The following TRIM44 variants were observed in gnomAD, a reference collection of about 807,000 sequenced individuals.
The protein encoded by TRIM44 is tripartite motif containing 44.
A neutral mutation model predicts 37.4 loss-of-function variants in TRIM44; 13 were observed. The observed-to-expected ratio is 0.35, with a 90% CI of 0.23 to 0.55. TRIM44 has a LOEUF of 0.55. Ranked by LOEUF, TRIM44 falls within the 20% of genes least tolerant of loss-of-function variation. The probability of loss-of-function intolerance (pLI) is 0.89; values close to 1 mark genes in which losing one functional copy is unlikely to be tolerated. For synonymous variants in TRIM44, 175 were observed against 157.2 expected (o/e 1.11, Z -0.85); for missense variants, 426 against 437.2 (o/e 0.97, Z 0.23).
At chr11:35,767,377 T>G (rs1298581732) in intron 4 of TRIM44, among the ~76,000 whole-genome samples, 2 of 152,106 alleles carry the variant, frequency 1.3e-5, no homozygotes, top group Non-Finnish European at 2.9e-5. Context: ...ACATACAAGA[T>G]CACCTTACCT....
chr11:35,680,013 T>C (rs886785621), intron 1 of TRIM44, among the ~76,000 whole-genome samples: 3 of 152,226 alleles, frequency 2.0e-5, no homozygotes, highest in Non-Finnish European at 2.9e-5. Context: ...GAAAAGCTAA[T>C]GTCATGTACA....
At chr11:35,781,528 G>T (rs1490705454) in intron 4 of TRIM44, among the ~76,000 whole-genome samples, 1 of 152,120 alleles carries the variant, frequency 6.6e-6, no homozygotes, top group Admixed American at 6.5e-5. Context: ...ATCCAGATAT[G>T]CCAGAGTCAG....
intron 2 of TRIM44, among the ~76,000 whole-genome samples, chr11:35,708,159 CTCA>C (rs1851914168): frequency 6.6e-6 from 1 of 152,188 alleles, no homozygotes; most frequent in Non-Finnish European, 1.5e-5. Flanking sequence ...TGAAAAAATG[CTCA>C]TCATCACTGG....
At chr11:35,758,518 A>G (rs1312743230) in intron 4 of TRIM44, among the ~76,000 whole-genome samples, 11 of 152,088 alleles carry the variant, frequency 7.2e-5, no homozygotes, top group Admixed American at 7.2e-4. Flanking sequence ...TAATATTGTT[A>G]TGTGTGAATT....
chr11:35,708,750 G>T (rs933194034), intron 2 of TRIM44, among the ~76,000 whole-genome samples: 2 of 151,916 alleles, frequency 1.3e-5, no homozygotes, highest in Non-Finnish European at 2.9e-5. Context: ...ATCACACTCT[G>T]GGGACTGTTG....
intron 2 of TRIM44, among the ~76,000 whole-genome samples, chr11:35,712,348 A>G (rs1303002570): frequency 6.6e-6 from 1 of 152,240 alleles, no homozygotes; most frequent in African/African-American, 2.4e-5. Context: ...AACTTTACTT[A>G]AAGTTATTTA....
chr11:35,704,411 C>T (rs948749314), intron 2 of TRIM44, among the ~76,000 whole-genome samples: 6 of 152,064 alleles, frequency 3.9e-5, no homozygotes, highest in South Asian at 4.1e-4. Context: ...ATACAGGGAA[C>T]GCCACAAAGA....
Position 35,799,741 on chromosome 11 carries a change from G to A in TRIM44, c.1008-6617G>A, listed in dbSNP as rs1045421378. The stretch of plus-strand genomic sequence containing the variant: ...AATGGAGATAATACCAGAAGCTATC[G>A]GTGAGTTTATGTATATAGATGTCTT... On this transcript the variant is annotated intron_variant, in intron 4 of 4. Coordinates refer to ENST00000299413, the MANE Select transcript of TRIM44 (RefSeq NM_017583.6). Among the ~76,000 whole-genome samples the A allele has an allele frequency of 5.9e-5, 9 of 152,104 alleles. No homozygotes were observed. The South Asian group carries it at 6.2e-4, about 11-fold the overall frequency.
intron 4 of TRIM44, among the ~76,000 whole-genome samples, chr11:35,800,491 A>G (rs1565038003): frequency 1.3e-5 from 2 of 152,102 alleles, no homozygotes; most frequent in African/African-American, 4.8e-5. Flanking sequence ...TGTGTTTACA[A>G]TCCTTTAGCT....
At chr11:35,728,239 T>C (rs1257989999) in intron 3 of TRIM44, among the ~76,000 whole-genome samples, 1 of 152,076 alleles carries the variant, frequency 6.6e-6, no homozygotes, top group Non-Finnish European at 1.5e-5. Context: ...GGCAGAAGAA[T>C]CGCTTGAACC....
chr11:35,731,522 A>G (rs951984403), intron 3 of TRIM44, among the ~76,000 whole-genome samples: 10 of 152,170 alleles, frequency 6.6e-5, no homozygotes, highest in Non-Finnish European at 1.3e-4. Flanking sequence ...ATTGGTTTAT[A>G]TATTTTTATA....
At chr11:35,697,950 G>C (rs61879655) in intron 2 of TRIM44, among the ~76,000 whole-genome samples, 122 of 147,178 alleles carry the variant, frequency 8.3e-4, no homozygotes, top group Non-Finnish European at 1.4e-3. Flanking sequence ...ATGATTTATA[G>C]TCCTTTGGGT....
chr11:35,745,139 T>C (rs1852469894), intron 4 of TRIM44, among the ~76,000 whole-genome samples: 1 of 152,190 alleles, frequency 6.6e-6, no homozygotes, highest in African/African-American at 2.4e-5. Flanking sequence ...CTTTGAGGAA[T>C]CACCACACAC....
At chr11:35,686,368 GTTTTTGT>G (rs1370533030) in intron 2 of TRIM44, among the ~76,000 whole-genome samples, 2 of 143,562 alleles carry the variant, frequency 1.4e-5, no homozygotes, top group African/African-American at 5.2e-5. Flanking sequence ...TTTTGTTTTT[GTTTTTGT>G]TTTTTTTTTT....
At chr11:35,672,937 G>A (rs1851415157) in intron 1 of TRIM44, among the ~76,000 whole-genome samples, 1 of 152,210 alleles carries the variant, frequency 6.6e-6, no homozygotes, top group Non-Finnish European at 1.5e-5. Flanking sequence ...CCAAGGTAAA[G>A]GGGATGGCAT....
chr11:35,689,923 C>T (rs1330092751), intron 2 of TRIM44, among the ~76,000 whole-genome samples: 1 of 152,008 alleles, frequency 6.6e-6, no homozygotes, highest in Non-Finnish European at 1.5e-5. Flanking sequence ...GATTGCTTTT[C>T]TTTCCCTCTG....
chr11:35,663,805 A>G (rs762937880), intron 1 of TRIM44, 25 bp downstream of exon 1: 1 of 1,599,654 alleles, frequency 6.3e-7, no homozygotes, highest in Non-Finnish European at 8.5e-7. Flanking sequence ...TTCAGAGCAT[A>G]AACCTAGGGG....
At chr11:35,773,991 A>G (rs920168206) in intron 4 of TRIM44, among the ~76,000 whole-genome samples, 1 of 152,218 alleles carries the variant, frequency 6.6e-6, no homozygotes, top group African/African-American at 2.4e-5. Context: ...ATACCCAGTA[A>G]TGGGATGGCT....
At chr11:35,674,233 T>G (rs1481314357) in intron 1 of TRIM44, among the ~76,000 whole-genome samples, 3 of 130,056 alleles carry the variant, frequency 2.3e-5, no homozygotes, top group African/African-American at 1.0e-4. Context: ...AGAGAGAATT[T>G]GCGTGTGTGT....
Sources: allele counts gnomAD v4.1 joint callset (sites outside exome capture counted in the v4.1 genomes callset), GRCh38; gene constraint gnomAD v4.1.1; transcripts MANE v1.5; gene names NCBI Gene and HGNC (gene_info 2026-07-23, HGNC 2026-07-21).